CPLANE1: variants seen among roughly 807,000 people sequenced by gnomAD.
The protein encoded by CPLANE1 is ciliogenesis and planar polarity effector 1.
In CPLANE1, 263 loss-of-function variants were observed where a neutral mutation model predicts 362.5. That is an observed-to-expected ratio of 0.73 (90% CI 0.66 to 0.80). The LOEUF is 0.80. Ranked by LOEUF, CPLANE1 falls within the 30% of genes least tolerant of loss-of-function variation. The probability of loss-of-function intolerance (pLI) is 0.00; values close to 1 mark genes in which losing one functional copy is unlikely to be tolerated. For synonymous variants in CPLANE1, 1,212 were observed against 1,302.6 expected (o/e 0.93, Z 1.50); for missense variants, 3,461 against 3,793.4 (o/e 0.91, Z 2.30).
At chr5:37,088,514 T>TATATG in the CPLANE1 span, among the ~76,000 whole-genome samples, 11 of 152,342 alleles carry the variant, frequency 7.2e-5, no homozygotes, top group East Asian at 2.1e-3. Flanking sequence ...AACCCTCTTC[T>TATATG]ATATGTCCCC....
rs1313359795 is a variant in CPLANE1, at chr5:37,195,885, G to T, written c.3784C>A (p.Leu1262Ile). The T allele has an allele frequency of 6.2e-7, 1 of 1,612,398 alleles. No individual in the cohort carries two copies. Among genetic ancestry groups the T allele is most frequent in the Admixed American group, 1.7e-5 (1 of 59,752 alleles). ...ATTGCTCTAATGGAAACTTCATCAA[G>T]CTTGTGGTCTCCAGCTGCTCCAGGT... ...FRPGAAGDHKLDEVSIRAIGC... is the reference protein window; with the variant it reads ...FRPGAAGDHKIDEVSIRAIGC... The change falls in exon 21 of 53, where the codon CTT becomes ATT. Residue 1262 changes from leucine to isoleucine, a missense_variant. By Grantham distance (5) the Leu-to-Ile change is conservative. Coordinates refer to ENST00000651892, the MANE Select transcript of CPLANE1 (RefSeq NM_001384732.1).
intron 1 of CPLANE1, among the ~76,000 whole-genome samples, chr5:37,248,067 G>A (rs1221441230): frequency 6.6e-6 from 1 of 151,936 alleles, no homozygotes; most frequent in Non-Finnish European, 1.5e-5. Context: ...TGGGATAACA[G>A]GCACGATCCA....
intron 46 of CPLANE1, among the ~76,000 whole-genome samples, chr5:37,132,021 TAAC>T (rs1341599958): frequency 1.3e-5 from 2 of 152,162 alleles, no homozygotes; most frequent in Non-Finnish European, 2.9e-5. Flanking sequence ...ATCATTAACT[TAAC>T]AAAACAACTG....
At chr5:37,194,371 C>T (rs1374278073) in intron 21 of CPLANE1, among the ~76,000 whole-genome samples, 1 of 152,142 alleles carries the variant, frequency 6.6e-6, no homozygotes, top group Non-Finnish European at 1.5e-5. Flanking sequence ...TTTCAAAGGA[C>T]TATGTCCCTA....
At chr5:37,087,186 G>A in the CPLANE1 span, among the ~76,000 whole-genome samples, 1 of 152,148 alleles carries the variant, frequency 6.6e-6, no homozygotes, top group East Asian at 1.9e-4. Context: ...GTAGAATGCT[G>A]GGAACAAGTG....
chr5:37,186,392 T>C lies in CPLANE1; in HGVS notation c.4083A>G (p.Val1361=). ...GAAATGCTTTCACGAAAATTTCTGC[T>C]ACCTTCAGAAAAAAAATTGTTTAAG... ...LIGELPPIRK[V]AEIFVKAFPY... is the part of the protein sequence containing the mutation. The change falls in exon 24 of 53, where the codon GTA becomes GTG. Residue 1361 remains valine (V), a splice_region_variant and synonymous_variant. Coordinates refer to ENST00000651892, the MANE Select transcript of CPLANE1 (RefSeq NM_001384732.1). 2.7e-6 allele frequency: 4 copies of C among 1,492,486 alleles called. No homozygotes were observed. Among genetic ancestry groups the C allele is most frequent in the Non-Finnish European group, 3.7e-6 (4 of 1,075,068 alleles). 92.5% of individuals were successfully genotyped at this position (1,492,486 alleles called of 1,614,324 possible).
intron 30 of CPLANE1, 22 bp downstream of exon 30, chr5:37,177,599 G>A (rs372577366): frequency 1.8e-5 from 29 of 1,569,306 alleles, no homozygotes; most frequent in African/African-American, 2.7e-5. Flanking sequence ...GACAATCACT[G>A]TCATACTTTT....
At position 37,158,224 on chromosome 5, in the gene CPLANE1, C is replaced by T; in HGVS notation, c.7812G>A (p.Leu2604=). ...TAAAACTTCTGAATAAAACACAAACCAAGTTTGTTACTGTATGAGGTATTG... is the reference window on the plus strand; with the variant it reads ...TAAAACTTCTGAATAAAACACAAACTAAGTTTGTTACTGTATGAGGTATTG... The part of the protein sequence containing the change: ...SPSIPHTVTN[L]VGHTYINVID... The change falls in exon 39 of 53, where the codon TTG becomes TTA. Residue 2604 remains leucine, a splice_region_variant and synonymous_variant. Coordinates refer to ENST00000651892, the MANE Select transcript of CPLANE1 (RefSeq NM_001384732.1). 6.2e-7 allele frequency: 1 copy of T among 1,612,762 alleles called. No homozygotes were observed. Among genetic ancestry groups the T allele is most frequent in the African/African-American group, 1.3e-5 (1 of 74,952 alleles).
chr5:37,245,896 A>G (rs1222251848), intron 2 of CPLANE1, 51 bp from the exon 3 acceptor site: 1 of 1,414,708 alleles, frequency 7.1e-7, no homozygotes, highest in Non-Finnish European at 9.3e-7. Flanking sequence ...AATTAATTCA[A>G]CTTACTGCCT....
intron 50 of CPLANE1, 23 bp downstream of exon 50, chr5:37,120,193 T>C: frequency 6.3e-7 from 1 of 1,587,096 alleles, no homozygotes; most frequent in African/African-American, 1.4e-5. Flanking sequence ...TCAGACAATT[T>C]ATAAAAAAGC....
At chr5:37,085,957 G>A in the CPLANE1 span, 9 of 613,032 alleles carry the variant, frequency 1.5e-5, no homozygotes, top group Admixed American at 3.0e-5. Flanking sequence ...AGGACAAAGA[G>A]GGACATTATA....
rs180804052 is a variant in CPLANE1, at chr5:37,245,859, C to T, written c.82-14G>A. 1.5e-4 allele frequency: 229 copies of T among 1,505,202 alleles called. 1 individual carries two copies. The East Asian group carries it at 5.3e-3, about 35-fold the overall frequency. The allele number at this position is 1,505,202 out of a possible 1,614,324, so 93.2% of individuals were successfully genotyped here. On this transcript the variant is annotated splice_polypyrimidine_tract_variant and intron_variant, in intron 2 of 52. Transcript: ENST00000651892. ...GGCTTCTTTTTCCTAAGAGAAGAAA[C>T]ATGTGAAGGACTCAAGAGGTGCCAG... is the stretch of plus-strand genomic sequence containing the variant.
the CPLANE1 span, among the ~76,000 whole-genome samples, chr5:37,088,640 C>T: frequency 3.5e-4 from 54 of 152,188 alleles, no homozygotes; most frequent in Admixed American, 2.0e-4. Flanking sequence ...AGGCCCCGCT[C>T]GCAACTGGGG....
chr5:37,208,804 C>A (rs554442791), intron 16 of CPLANE1, among the ~76,000 whole-genome samples: 1 of 120,150 alleles, frequency 8.3e-6, no homozygotes, highest in African/African-American at 3.0e-5. Flanking sequence ...CTCTCCATAA[C>A]AGTTATAACC....
chr5:37,150,162 T>C (rs1036561593), intron 42 of CPLANE1, among the ~76,000 whole-genome samples: 4 of 152,148 alleles, frequency 2.6e-5, no homozygotes, highest in Non-Finnish European at 5.9e-5. Flanking sequence ...GGAGTCCAAA[T>C]GCTTAATGGA....
At chr5:37,133,231 TC>T (rs915752981) in intron 46 of CPLANE1, among the ~76,000 whole-genome samples, 26 of 152,356 alleles carry the variant, frequency 1.7e-4, no homozygotes, top group Non-Finnish European at 3.2e-4. Flanking sequence ...CTCTTTTTAC[TC>T]AGGATTGCTT....
At chr5:37,237,933 C>G (rs1356526445) in intron 8 of CPLANE1, among the ~76,000 whole-genome samples, 1 of 152,094 alleles carries the variant, frequency 6.6e-6, no homozygotes, top group East Asian at 1.9e-4. Flanking sequence ...AATCCCAGCA[C>G]TTTAGGAGGC....
rs763770473 is a variant in CPLANE1 at position 37,120,247 on chromosome 5, A to G, written c.9279T>C (p.Phe3093=). The change falls in exon 50 of 53, where the codon TTT becomes TTC. Residue 3093 remains phenylalanine (F), a synonymous_variant. Coordinates refer to ENST00000651892, the MANE Select transcript of CPLANE1 (RefSeq NM_001384732.1). Reference sequence around the variant, plus strand: ...GCCAAGGTGAGCCTTGAGGTTGCCCAAAAGACTTCCTCTTATGGATATAAC... The same window carrying G: ...GCCAAGGTGAGCCTTGAGGTTGCCCGAAAGACTTCCTCTTATGGATATAAC... The part of the protein sequence containing the change: ...KPSYIHKRKS[F]GQPQGSPWPH... 3 of 1,604,264 alleles carry G rather than the reference A, an allele frequency of 1.9e-6. No homozygotes were observed.
chr5:37,217,662 A>G (rs980279228), intron 15 of CPLANE1, among the ~76,000 whole-genome samples: 1 of 151,246 alleles, frequency 6.6e-6, no homozygotes, highest in African/African-American at 2.4e-5. Context: ...AATTCTGTAT[A>G]GGGTGCAGTG....
Sources: gnomAD v4.1 joint callset for allele counts (sites outside exome capture counted in the v4.1 genomes callset) on GRCh38, gnomAD v4.1.1 for gene constraint, MANE v1.5 for transcripts, NCBI Gene and HGNC (gene_info 2026-07-23, HGNC 2026-07-21) for gene names.